Variants in HOXB8 observed in about 807,000 individuals in gnomAD.
HOXB8 encodes the protein homeobox protein Hox-B8.
Under a neutral mutation model 22.2 loss-of-function variants are expected in HOXB8, and 17 were observed. That is an observed-to-expected ratio of 0.77 (90% CI 0.53 to 1.15). The LOEUF (loss-of-function observed/expected upper bound fraction) is 1.15, where lower values mean the gene tolerates loss of function less well. Ranked by LOEUF, HOXB8 falls within the 50% of genes most tolerant of loss-of-function variation. The pLI, the probability that HOXB8 is intolerant of heterozygous loss-of-function variation, is 0.00. For synonymous variants in HOXB8, 156 were observed against 144.6 expected (o/e 1.08, Z -0.57); for missense variants, 287 against 323.8 (o/e 0.89, Z 0.87).
In HOXB8 at chr17:48,614,686, T is replaced by C. The variant is rs549476597; in HGVS notation, c.19A>G (p.Asn7Asp). Residue 7 changes from asparagine (N) to aspartate (D), a missense_variant, in exon 1 of 2, where the codon AAC becomes GAC. Transcript: ENST00000239144. This position sits in a 1 kb window ranked among gnomAD's most constrained non-coding sequence, Gnocchi z 4.1. ...GTTTTGTATTTGGAGAACAGTGAGT[T>C]GACGAAATAAGAGCTCATTTTATTG... MSSYFV[N>D]SLFSKYKTGE... 13 of 1,580,994 alleles carry C rather than the reference T, an allele frequency of 8.2e-6. No homozygotes were observed. In the Middle Eastern group the frequency reaches 6.8e-4, roughly 82 times the overall value.
chr17:48,614,385 T>G lies in HOXB8; in HGVS notation c.320A>C (p.Tyr107Ser). 1.2e-6 allele frequency: 2 copies of G among 1,612,232 alleles called. No homozygotes were observed. The highest frequency in any genetic ancestry group is 1.7e-6 in the Non-Finnish European group (2 of 1,179,708). ...GGCGGCGGCAAGCTTGCAGTCTGCG[T>G]ACTGCACCAGGTCTGGATCCTGCGC... ...FGAQDPDLVQYADCKLAAASG... is the reference protein window; with the variant it reads ...FGAQDPDLVQSADCKLAAASG... Residue 107 changes from tyrosine to serine, a missense_variant, in exon 1 of 2, where the codon TAC becomes TCC. By Grantham distance (144) the Tyr-to-Ser change is moderately radical. Transcript: ENST00000239144. This position sits in a 1 kb window ranked among gnomAD's most constrained non-coding sequence, Gnocchi z 4.1.
chr17:48,613,168 G>T lies in HOXB8; in HGVS notation c.*34C>A. On this transcript the variant is annotated 3_prime_UTR_variant, in exon 2 of 2. Transcript: ENST00000239144. ...GCGCGGCCGGGACCCGCGGACGTGC[G>T]GGCGGCCGCGGCCCTGGCAGTCCCA... The T allele has an allele frequency of 1.5e-6, 2 of 1,349,230 alleles. No individual in the cohort carries two copies. The highest frequency in any genetic ancestry group is 1.9e-6 in the Non-Finnish European group (2 of 1,047,954). The allele number at this position is 1,349,230 out of a possible 1,614,324, so 83.6% of individuals were successfully genotyped here.
In HOXB8 at chr17:48,614,225, A is replaced by AGGCTCCCTGCCC. The variant is rs112987208; in HGVS notation, c.424+55_424+56insGGGCAGGGAGCC. The AGGCTCCCTGCCC allele has an allele frequency of 1.6e-5, 22 of 1,355,086 alleles. No individual in the cohort carries two copies. The highest frequency in any genetic ancestry group is 6.7e-5 in the Admixed American group (2 of 30,020). 83.9% of individuals were successfully genotyped at this position (1,355,086 alleles called of 1,614,324 possible). On this transcript the variant is annotated intron_variant, in intron 1 of 1. Transcript: ENST00000239144. This position sits in a 1 kb window ranked among gnomAD's most constrained non-coding sequence, Gnocchi z 4.1. ...TGGAGGAAATGCGCCCCGGCCTGCC[A>AGGCTCCCTGCCC]GGCCTTGGGCCCTTCCGGCCCCCTC...
rs942684985 is a variant in HOXB8 at position 48,614,139 on chromosome 17, TAAGA to T, written c.424+138_424+141del. The T allele has an allele frequency of 2.3e-5, 14 of 612,158 alleles. No individual in the cohort carries two copies. Among genetic ancestry groups the T allele is most frequent in the African/African-American group, 2.3e-4 (12 of 52,604 alleles). The allele number at this position is 612,158 out of a possible 1,614,324, so 37.9% of individuals were successfully genotyped here. ...AGAAAAAAGAAAGAAGAAAGAAAGA[TAAGA>T]AAGAAAGGGGAAAAGCGGCAGGCGA... On this transcript the variant is annotated intron_variant, in intron 1 of 1. Coordinates refer to ENST00000239144, the MANE Select transcript of HOXB8 (RefSeq NM_024016.4). The surrounding 1 kb of genome is among the most constrained non-coding windows in gnomAD (Gnocchi z 4.1).
rs375874402 is a variant in HOXB8, at chr17:48,613,649, C to CGG, written c.425-142_425-141dup. 7.5e-4 allele frequency: 232 copies of CGG among 308,092 alleles called. 1 individual carries two copies. The highest frequency in any genetic ancestry group is 4.1e-3 in the African/African-American group (131 of 32,018). 19.1% of individuals were successfully genotyped at this position (308,092 alleles called of 1,614,324 possible). On this transcript the variant is annotated intron_variant, in intron 1 of 1. Transcript: ENST00000239144. The stretch of plus-strand genomic sequence containing the variant: ...GGGGACCTTCTACCCCGTGCGGGGG[C>CGG]GGGGGGGGCGCAAGAAGGCCGCGGT...
At position 48,614,290 on chromosome 17, in the gene HOXB8, G is replaced by T; in HGVS notation, c.415C>A (p.Arg139Ser). The change falls in exon 1 of 2, where the codon CGC (arginine) becomes AGC (serine). Residue 139 changes from arginine to serine, a missense_variant. Arg to Ser is a moderately radical substitution (Grantham distance 110). Transcript: ENST00000239144. The surrounding 1 kb of genome is among the most constrained non-coding windows in gnomAD (Gnocchi z 4.1). ...CCCGAGGCGAGCTCACCTTGCGGGC[G>T]CATCCAGGGGAAGAGCTGTGTGGGC... ...PSPTQLFPWM[R>S]PQAAAGRRRG... 2 of 1,514,146 alleles carry T rather than the reference G, an allele frequency of 1.3e-6. No individual in the cohort carries two copies. The highest frequency in any genetic ancestry group is 8.8e-7 in the Non-Finnish European group (1 of 1,140,730). The allele number at this position is 1,514,146 out of a possible 1,614,324, so 93.8% of individuals were successfully genotyped here.
Position 48,614,211 on chromosome 17 carries a change from C to T in HOXB8, c.424+70G>A. The T allele has an allele frequency of 7.3e-7, 1 of 1,371,174 alleles. No homozygotes were observed. Among genetic ancestry groups the T allele is most frequent in the East Asian group, 2.7e-5 (1 of 37,330 alleles). The allele number at this position is 1,371,174 out of a possible 1,614,324, so 84.9% of individuals were successfully genotyped here. A position where few individuals can be genotyped will look rare whatever the true frequency, so the allele number is the denominator to read the frequency against. ...AGTCTTCCAGAAGCTGGAGGAAATG[C>T]GCCCCGGCCTGCCAGGCCTTGGGCC... On this transcript the variant is annotated intron_variant, in intron 1 of 1. Coordinates refer to ENST00000239144, the MANE Select transcript of HOXB8 (RefSeq NM_024016.4). This position sits in a 1 kb window ranked among gnomAD's most constrained non-coding sequence, Gnocchi z 4.1.
At chr17:48,613,902 T>A (rs1006929076) in intron 1 of HOXB8, among the ~76,000 whole-genome samples, 1 of 152,108 alleles carries the variant, frequency 6.6e-6, no homozygotes, top group Non-Finnish European at 1.5e-5. Flanking sequence ...CCAGAGCCTC[T>A]GCCCCAGAAG....
Position 48,613,249 on chromosome 17 carries a change from G to A in HOXB8, c.685C>T (p.Pro229Ser). Residue 229 changes from proline (P) to serine (S), a missense_variant, in exon 2 of 2, where the codon CCA becomes TCA. By Grantham distance (74) the Pro-to-Ser change is moderately conservative. Coordinates refer to ENST00000239144, the MANE Select transcript of HOXB8 (RefSeq NM_024016.4). Reference sequence around the variant, plus strand: ...GCGTCGCCCTCGTCCGCCGCCTCTGGGGCCCGCTCCAGCTTCTGTTTCTCC... The same window carrying A: ...GCGTCGCCCTCGTCCGCCGCCTCTGAGGCCCGCTCCAGCTTCTGTTTCTCC... ...ELEKQKLERA[P>S]EAADEGDAQK... 1 of 1,613,618 alleles carries A rather than the reference G, an allele frequency of 6.2e-7. No individual in the cohort carries two copies. Among genetic ancestry groups the A allele is most frequent in the Non-Finnish European group, 8.5e-7 (1 of 1,179,740 alleles).
Position 48,614,818 on chromosome 17 carries a change from C to A in HOXB8, c.-114G>T. ...AGAGAAAAAAACGCGGATTCGCCGG[C>A]TCCTAGTCACCCTCGCCAGGAAAGG... On this transcript the variant is annotated 5_prime_UTR_variant, in exon 1 of 2. Coordinates refer to ENST00000239144, the MANE Select transcript of HOXB8 (RefSeq NM_024016.4). This position sits in a 1 kb window ranked among gnomAD's most constrained non-coding sequence, Gnocchi z 4.1. 2 of 821,040 alleles carry A rather than the reference C, an allele frequency of 2.4e-6. No individual in the cohort carries two copies. Among genetic ancestry groups the A allele is most frequent in the South Asian group, 2.0e-5 (1 of 50,088 alleles). The allele number at this position is 821,040 out of a possible 1,614,324, so 50.9% of individuals were successfully genotyped here.
Position 48,614,514 on chromosome 17 carries a change from A to T in HOXB8, c.191T>A (p.Leu64Gln). 6.2e-7 allele frequency: 1 copy of T among 1,613,952 alleles called. No individual in the cohort carries two copies. The highest frequency in any genetic ancestry group is 8.5e-7 in the Non-Finnish European group (1 of 1,179,940). ...IQEFYHGPSS[L>Q]STAPYQQNPC... ...GTTCTGCTGGTAGGGAGCCGTGGAC[A>T]GCGACGACGGCCCGTGGTAGAACTC... The change falls in exon 1 of 2, where the codon CTG becomes CAG. Residue 64 changes from leucine to glutamine, a missense_variant. Around this residue, in one of 3 missense-constraint regions of HOXB8, gnomAD observed 229 missense variants for 239.8 expected, o/e 0.95. Transcript: ENST00000239144. The surrounding 1 kb of genome is among the most constrained non-coding windows in gnomAD (Gnocchi z 4.1).
chr17:48,614,470 G>C lies in HOXB8; in HGVS notation c.235C>G (p.His79Asp), dbSNP rs1302893939. The C allele has an allele frequency of 6.2e-7, 1 of 1,613,996 alleles. No homozygotes were observed. The highest frequency in any genetic ancestry group is 1.7e-5 in the Admixed American group (1 of 60,022). Residue 79 changes from histidine to aspartate, a missense_variant, in exon 1 of 2, where the codon CAC (histidine) becomes GAC (aspartate). Coordinates refer to ENST00000239144, the MANE Select transcript of HOXB8 (RefSeq NM_024016.4). This position sits in a 1 kb window ranked among gnomAD's most constrained non-coding sequence, Gnocchi z 4.1. ...YQQNPCAVACHGDPGNFYGYD... is the reference protein window; with the variant it reads ...YQQNPCAVACDGDPGNFYGYD... ...CCGTAGAAATTGCCGGGGTCCCCGT[G>C]GCACGCCACGGCGCACGGGTTCTGC...
Position 48,613,048 on chromosome 17 carries a change from G to A in HOXB8, c.*154C>T, listed in dbSNP as rs1202136153. The A allele has an allele frequency of 3.5e-6, 1 of 284,072 alleles. No individual in the cohort carries two copies. The highest frequency in any genetic ancestry group is 5.4e-5 in the Admixed American group (1 of 18,380). 17.6% of individuals were successfully genotyped at this position (284,072 alleles called of 1,614,324 possible). A position where few individuals can be genotyped will look rare whatever the true frequency, so the allele number is the denominator to read the frequency against. The stretch of plus-strand genomic sequence containing the variant: ...CTATTACGAGATACTACCACTAGCG[G>A]GGACTGGCGCGGCGGGGGACGCTGC... On this transcript the variant is annotated 3_prime_UTR_variant, in exon 2 of 2. Transcript: ENST00000239144.
rs374945607 is a variant in HOXB8, at chr17:48,614,513, C to T, written c.192G>A (p.Leu64=). ...IQEFYHGPSS[L]STAPYQQNPC... Reference sequence around the variant, plus strand: ...GGTTCTGCTGGTAGGGAGCCGTGGACAGCGACGACGGCCCGTGGTAGAACT... The same window carrying T: ...GGTTCTGCTGGTAGGGAGCCGTGGATAGCGACGACGGCCCGTGGTAGAACT... The change falls in exon 1 of 2, where the codon CTG becomes CTA. Residue 64 remains leucine, a synonymous_variant. Coordinates refer to ENST00000239144, the MANE Select transcript of HOXB8 (RefSeq NM_024016.4). The surrounding 1 kb of genome is among the most constrained non-coding windows in gnomAD (Gnocchi z 4.1). 140 of 1,613,858 alleles carry T rather than the reference C, an allele frequency of 8.7e-5. No homozygotes were observed. Among genetic ancestry groups the T allele is most frequent in the Non-Finnish European group, 1.2e-4 (138 of 1,179,958 alleles).
Position 48,613,323 on chromosome 17 carries a change from T to C in HOXB8, c.611A>G (p.Glu204Gly), listed in dbSNP as rs2070679955. ...GCTGGGGAACTTGTCTTTGTTGTTC[T>C]CTTTTTTCCACTTCATCCTCCGGTT... Reference protein sequence around the residue: ...FQNRRMKWKKENNKDKFPSSK... With the variant: ...FQNRRMKWKKGNNKDKFPSSK... Residue 204 changes from glutamate to glycine, a missense_variant, in exon 2 of 2, where the codon GAG becomes GGG. Physicochemically the swap from Glu to Gly is moderately conservative, Grantham distance 98 (BLOSUM62 -2). Transcript: ENST00000239144. The C allele has an allele frequency of 6.2e-7, 1 of 1,614,106 alleles. No homozygotes were observed.
Position 48,614,339 on chromosome 17 carries a change from G to T in HOXB8, c.366C>A (p.Ala122=), listed in dbSNP as rs573071628. 5 of 1,595,040 alleles carry T rather than the reference G, an allele frequency of 3.1e-6. No individual in the cohort carries two copies. Among genetic ancestry groups the T allele is most frequent in the Non-Finnish European group, 4.3e-6 (5 of 1,175,420 alleles). The change falls in exon 1 of 2, where the codon GCC becomes GCA. Residue 122 remains alanine, a synonymous_variant. Transcript: ENST00000239144. This position sits in a 1 kb window ranked among gnomAD's most constrained non-coding sequence, Gnocchi z 4.1. ...GCGACGGGCTCTGCTCGGAGCCCTC[G>T]GCCTCCTCGCCCAGGCCGCTGGCGG... ...LAAASGLGEE[A]EGSEQSPSPT... is the part of the protein sequence containing the mutation.
In HOXB8 at chr17:48,614,578, T is replaced by C. The variant is rs2070701419; in HGVS notation, c.127A>G (p.Ser43Gly). 2.5e-6 allele frequency: 4 copies of C among 1,611,970 alleles called. No homozygotes were observed. The South Asian group carries it at 4.4e-5, about 18-fold the overall frequency. Residue 43 changes from serine to glycine, a missense_variant, in exon 1 of 2, where the codon AGC (serine) becomes GGC (glycine). Physicochemically the swap from Ser to Gly is moderately conservative, Grantham distance 56 (BLOSUM62 0). Around this residue, in one of 3 missense-constraint regions of HOXB8, gnomAD observed 229 missense variants for 239.8 expected, o/e 0.95. Transcript: ENST00000239144. The surrounding 1 kb of genome is among the most constrained non-coding windows in gnomAD (Gnocchi z 4.1). ...GGRPTVVYGP[S>G]SGGSFQHPSQ... Reference sequence around the variant, plus strand: ...GGGTGCTGGAAGCTGCCGCCGCTGCTGGGACCGTACACCACGGTGGGTCGG... The same window carrying C: ...GGGTGCTGGAAGCTGCCGCCGCTGCCGGGACCGTACACCACGGTGGGTCGG...
In HOXB8 at chr17:48,614,375, G is replaced by A. The variant is rs1423109302; in HGVS notation, c.330C>T (p.Cys110=). Residue 110 remains cysteine, a synonymous_variant, in exon 1 of 2, where the codon TGC becomes TGT. Coordinates refer to ENST00000239144, the MANE Select transcript of HOXB8 (RefSeq NM_024016.4). This position sits in a 1 kb window ranked among gnomAD's most constrained non-coding sequence, Gnocchi z 4.1. ...CCAGGCCGCTGGCGGCGGCAAGCTTGCAGTCTGCGTACTGCACCAGGTCTG... is the reference window on the plus strand; with the variant it reads ...CCAGGCCGCTGGCGGCGGCAAGCTTACAGTCTGCGTACTGCACCAGGTCTG... The part of the protein sequence containing the change: ...QDPDLVQYAD[C]KLAAASGLGE... 24 of 1,610,244 alleles carry A rather than the reference G, an allele frequency of 1.5e-5. No homozygotes were observed. Among genetic ancestry groups the A allele is most frequent in the Non-Finnish European group, 2.0e-5 (23 of 1,179,220 alleles).
Position 48,614,886 on chromosome 17 carries a change from CG to C in HOXB8, c.-183del. On this transcript the variant is annotated 5_prime_UTR_variant, in exon 1 of 2. Transcript: ENST00000239144. This position sits in a 1 kb window ranked among gnomAD's most constrained non-coding sequence, Gnocchi z 4.1. The stretch of plus-strand genomic sequence containing the variant: ...GGAAAAAAAGAAAAGAAAGAAAAGG[CG>C]AAGAAGATCTCGAAGCCGACACACT... The C allele has an allele frequency of 3.6e-6, 2 of 548,608 alleles. No individual in the cohort carries two copies. The highest frequency in any genetic ancestry group is 6.3e-6 in the Non-Finnish European group (2 of 318,194). 34.0% of individuals were successfully genotyped at this position (548,608 alleles called of 1,614,324 possible). A position where few individuals can be genotyped will look rare whatever the true frequency, so the allele number is the denominator to read the frequency against.
Sources: allele counts gnomAD v4.1 joint callset (sites outside exome capture counted in the v4.1 genomes callset), GRCh38; gene constraint gnomAD v4.1.1; regional missense constraint gnomAD v4.1.1; non-coding constraint Gnocchi (gnomAD v3.1); transcripts MANE v1.5; gene names NCBI Gene and HGNC (gene_info 2026-07-23, HGNC 2026-07-21).